ALLC: variants seen among roughly 807,000 people sequenced by gnomAD.
The protein encoded by ALLC is probable inactive allantoicase.
A neutral mutation model predicts 45.0 loss-of-function variants in ALLC; 40 were observed. The ratio of observed to expected loss-of-function variants is 0.89; its 90% confidence interval spans 0.69 to 1.16. The LOEUF (loss-of-function observed/expected upper bound fraction) is 1.16. Ranked by LOEUF, ALLC falls within the 50% of genes most tolerant of loss-of-function variation. The probability of loss-of-function intolerance (pLI) is 0.00; values close to 1 mark genes in which losing one functional copy is unlikely to be tolerated. For synonymous variants in ALLC, 176 were observed against 178.1 expected (o/e 0.99, Z 0.09); for missense variants, 488 against 493.1 (o/e 0.99, Z 0.10).
chr2:3,646,231 T>TG, the ALLC span, among the ~76,000 whole-genome samples: 1 of 152,204 alleles, frequency 6.6e-6, no homozygotes, highest in African/African-American at 2.4e-5. Flanking sequence ...ACCCACTGCA[T>TG]GTGCGGGTGC....
At chr2:3,648,026 G>A in the ALLC span, among the ~76,000 whole-genome samples, 2 of 152,264 alleles carry the variant, frequency 1.3e-5, no homozygotes, top group East Asian at 3.9e-4. Context: ...TGATGATGGT[G>A]CAGTGGGCAG....
chr2:3,683,040 G>C lies in ALLC; in HGVS notation c.477G>C (p.Gln159His), dbSNP rs1225310595. 6 of 1,613,978 alleles carry C rather than the reference G, an allele frequency of 3.7e-6. No homozygotes were observed. The highest frequency in any genetic ancestry group is 5.1e-6 in the Non-Finnish European group (6 of 1,179,882). ...ACTATTTTCTTGTCAATTCCCAGCA[G>C]AGATGGACTCATATCAGACTCAACA... ...GHNYFLVNSQ[Q>H]RWTHIRLNIF... Residue 159 changes from glutamine (Q) to histidine (H), a missense_variant, in exon 7 of 12, where the codon CAG (glutamine) becomes CAC (histidine). Coordinates refer to ENST00000252505, the MANE Select transcript of ALLC (RefSeq NM_018436.4).
intron 2 of ALLC, among the ~76,000 whole-genome samples, chr2:3,671,634 G>A (rs1426443862): frequency 6.9e-6 from 1 of 145,574 alleles, no homozygotes; most frequent in Non-Finnish European, 1.5e-5. Context: ...TAGATGGGAG[G>A]TCCCCTGGCT....
At position 3,680,467 on chromosome 2, in the gene ALLC, C is replaced by T. The variant is rs1440097298; in HGVS notation, c.298+473C>T. 6.6e-6 allele frequency among the ~76,000 whole-genome samples: 1 copy of T among 152,138 alleles called. No homozygotes were observed. Among genetic ancestry groups the T allele is most frequent in the Non-Finnish European group, 1.5e-5 (1 of 68,040 alleles). ...CCTATCTGCATCTTGGAATGCTGGACCTATGAATCCTGCAGGCTCTATAAA... is the reference window on the plus strand; with the variant it reads ...CCTATCTGCATCTTGGAATGCTGGATCTATGAATCCTGCAGGCTCTATAAA... On this transcript the variant is annotated intron_variant, in intron 5 of 11. Coordinates refer to ENST00000252505, the MANE Select transcript of ALLC (RefSeq NM_018436.4). This position sits in a 1 kb window ranked among gnomAD's most constrained non-coding sequence, Gnocchi z 4.0.
intron 6 of ALLC, among the ~76,000 whole-genome samples, chr2:3,682,683 G>C (rs768960645): frequency 1.3e-5 from 2 of 152,018 alleles, no homozygotes; most frequent in Non-Finnish European, 2.9e-5. Flanking sequence ...CCGCCACCAC[G>C]CCCGGCTAAT....
At chr2:3,695,518 T>C in intron 7 of ALLC, 199 bp from the exon 8 acceptor site, 3 of 580,080 alleles carry the variant, frequency 5.2e-6, no homozygotes, top group Non-Finnish European at 6.1e-6. Context: ...TTTGGAGAGC[T>C]GGGAAAGTTG....
At chr2:3,651,406 T>TAA in the ALLC span, among the ~76,000 whole-genome samples, 1 of 41,666 alleles carries the variant, frequency 2.4e-5, no homozygotes, top group African/African-American at 7.6e-5. Context: ...TGTGTGTGTG[T>TAA]GTGTGTGTGT....
At chr2:3,682,861 C>T (rs1409201263) in intron 6 of ALLC, 81 bp from the exon 7 acceptor site, 29 of 1,454,344 alleles carry the variant, frequency 2.0e-5, no homozygotes, top group East Asian at 6.8e-5. Context: ...ATCTCCACAC[C>T]TTAAGTGCCA....
At chr2:3,649,833 C>T in the ALLC span, among the ~76,000 whole-genome samples, 1 of 152,244 alleles carries the variant, frequency 6.6e-6, no homozygotes, top group Non-Finnish European at 1.5e-5. Flanking sequence ...ACAACCCACG[C>T]AGACATGGGG....
chr2:3,675,146 C>A (rs554309741), intron 3 of ALLC, among the ~76,000 whole-genome samples: 1 of 152,150 alleles, frequency 6.6e-6, no homozygotes, highest in Non-Finnish European at 1.5e-5. Flanking sequence ...AATCCCAGCA[C>A]TTTGGGAAGC....
At chr2:3,693,846 G>C (rs371916731) in intron 7 of ALLC, among the ~76,000 whole-genome samples, 103 of 152,298 alleles carry the variant, frequency 6.8e-4, no homozygotes, top group African/African-American at 2.3e-3. Flanking sequence ...AAATTAGCCA[G>C]GTGTGGTGGC....
At chr2:3,657,831 C>G (rs1666476200), upstream of ALLC, among the ~76,000 whole-genome samples, 3 of 151,820 alleles carry the variant, frequency 2.0e-5, no homozygotes, top group Admixed American at 1.3e-4. Flanking sequence ...CCAAGGGCCC[C>G]TGTCTTCTCT....
At chr2:3,698,639 C>T (rs1027503792) in intron 10 of ALLC, among the ~76,000 whole-genome samples, 5 of 152,216 alleles carry the variant, frequency 3.3e-5, no homozygotes, top group African/African-American at 1.2e-4. Flanking sequence ...GAAGTTGGTA[C>T]ACTTCTACAA....
rs868125040 is a variant in ALLC at position 3,680,119 on chromosome 2, T to C, written c.298+125T>C. The C allele has an allele frequency of 2.3e-6, 3 of 1,329,968 alleles. 1 individual carries two copies. The Middle Eastern group carries it at 6.9e-4, about 305-fold the overall frequency. The allele number at this position is 1,329,968 out of a possible 1,614,324, so 82.4% of individuals were successfully genotyped here. ...ACAGCTTCAGGCGCTTGACTAAGGC[T>C]ACTTTACTGTAACGGGGCTGTAGGA... On this transcript the variant is annotated intron_variant, in intron 5 of 11. Transcript: ENST00000252505. The surrounding 1 kb of genome is among the most constrained non-coding windows in gnomAD (Gnocchi z 4.0).
intron 1 of ALLC, among the ~76,000 whole-genome samples, chr2:3,664,615 G>C (rs1422841340): frequency 2.6e-5 from 4 of 152,144 alleles, no homozygotes; most frequent in Non-Finnish European, 5.9e-5. Context: ...CAGGTGTTGT[G>C]ACTCATGCCT....
chr2:3,695,919 C>T (rs771242919), intron 8 of ALLC, 47 bp downstream of exon 8: 83 of 1,550,038 alleles, frequency 5.4e-5, no homozygotes, highest in Non-Finnish European at 5.7e-5. Context: ...GTCTGGGTAC[C>T]GGCATTAAAT....
At chr2:3,678,680 T>C (rs1293371638) in intron 4 of ALLC, 125 bp downstream of exon 4, 1 of 726,172 alleles carries the variant, frequency 1.4e-6, no homozygotes, top group African/African-American at 1.8e-5. Flanking sequence ...CTCTGTAATC[T>C]TGGATGTCCT....
chr2:3,676,744 A>C (rs901444459), intron 3 of ALLC, among the ~76,000 whole-genome samples: 2 of 152,046 alleles, frequency 1.3e-5, no homozygotes, highest in Admixed American at 6.6e-5. Flanking sequence ...AAGTGTGTGC[A>C]CGTGTGTCGG....
intron 2 of ALLC, 85 bp downstream of exon 2, chr2:3,671,275 G>A (rs1314917564): frequency 1.4e-6 from 2 of 1,452,172 alleles, no homozygotes; most frequent in Non-Finnish European, 1.9e-6. Context: ...CCTCATGCAA[G>A]AATCAACAAG....
Sources: gnomAD v4.1 joint callset for allele counts (sites outside exome capture counted in the v4.1 genomes callset) on GRCh38, gnomAD v4.1.1 for gene constraint, Gnocchi (gnomAD v3.1) non-coding constraint, MANE v1.5 for transcripts, NCBI Gene and HGNC (gene_info 2026-07-23, HGNC 2026-07-21) for gene names.